The following VIT variants were observed in gnomAD, a reference collection of about 807,000 sequenced individuals.
The protein encoded by VIT is vitrin.
A neutral mutation model predicts 78.0 loss-of-function variants in VIT; 99 were observed. That is an observed-to-expected ratio of 1.27 (90% CI 1.08 to 1.50). The LOEUF (loss-of-function observed/expected upper bound fraction) is 1.50. VIT is among the 40% of genes most tolerant of loss of function. VIT has a pLI of 0.00. For synonymous variants in VIT, 374 were observed against 334.3 expected, an observed-to-expected ratio of 1.12 and a Z score of -1.29; for missense variants, 1,126 against 875.3, an observed-to-expected ratio of 1.29 and a Z score of -3.61.
In VIT at chr2:36,802,819, G is replaced by A. The variant is rs542440269; in HGVS notation, c.1162+1415G>A. On this transcript the variant is annotated intron_variant, in intron 13 of 15. Coordinates refer to ENST00000379242, the MANE Select transcript of VIT (RefSeq NM_053276.4). ...AGTTTGGGTTCTGAGGACAGAATCCGTTCAACTGATTCCAACAGAAAGGGT... is the reference window on the plus strand; with the variant it reads ...AGTTTGGGTTCTGAGGACAGAATCCATTCAACTGATTCCAACAGAAAGGGT... 1.7e-3 allele frequency among the ~76,000 whole-genome samples: 257 copies of A among 152,276 alleles called. 2 individuals carry two copies. In the South Asian group the frequency reaches 0.018, roughly 11 times the overall value.
chr2:36,801,456 T>C, intron 13 of VIT, 52 bp downstream of exon 13: 1 of 1,436,298 alleles, frequency 7.0e-7, no homozygotes, highest in Non-Finnish European at 9.8e-7. Context: ...GTTCTCTTTC[T>C]ACGTGATTGT....
chr2:36,803,129 A>G (rs977788272), intron 13 of VIT, among the ~76,000 whole-genome samples: 2 of 152,192 alleles, frequency 1.3e-5, no homozygotes, highest in Non-Finnish European at 2.9e-5. Context: ...ATTCACACCC[A>G]CAACATGGAT....
At chr2:36,779,414 A>AT (rs1209482506) in intron 9 of VIT, among the ~76,000 whole-genome samples, 1 of 152,196 alleles carries the variant, frequency 6.6e-6, no homozygotes, top group Non-Finnish European at 1.5e-5. Flanking sequence ...TGGCTTCTAC[A>AT]TTTTTACCCC....
Position 36,781,828 on chromosome 2 carries a change from G to C in VIT, c.847+57G>C. ...GTGGATCAAGATGCGCAGGATAGCA[G>C]AACTAAGAGTCTAATAATCCAGCTG... On this transcript the variant is annotated intron_variant, in intron 10 of 15. Transcript: ENST00000379242. 4 of 1,595,804 alleles carry C rather than the reference G, an allele frequency of 2.5e-6. No homozygotes were observed. The Admixed American group carries it at 6.7e-5, about 27-fold the overall frequency.
intron 3 of VIT, among the ~76,000 whole-genome samples, chr2:36,741,173 A>T (rs897777948): frequency 2.0e-5 from 3 of 152,214 alleles, no homozygotes; most frequent in Admixed American, 1.3e-4. Flanking sequence ...CAGGAATCAA[A>T]CAATTCACTA....
At chr2:36,764,090 T>C (rs1319709297) in intron 6 of VIT, among the ~76,000 whole-genome samples, 1 of 152,224 alleles carries the variant, frequency 6.6e-6, no homozygotes, top group East Asian at 1.9e-4. Flanking sequence ...TCAGCAGCCT[T>C]GGGATTAGCC....
chr2:36,780,476 G>A (rs527761315), intron 9 of VIT, among the ~76,000 whole-genome samples: 2 of 152,342 alleles, frequency 1.3e-5, no homozygotes, highest in South Asian at 2.1e-4. Context: ...GAATGTTTAA[G>A]CAAGTCATAA....
chr2:36,706,082 G>A (rs1156887142), intron 1 of VIT, among the ~76,000 whole-genome samples: 3 of 152,146 alleles, frequency 2.0e-5, no homozygotes, highest in Non-Finnish European at 4.4e-5. Context: ...CTGACAGCAT[G>A]GTTTCAAGGT....
rs111981326 is a variant in VIT at position 36,759,366 on chromosome 2, G to A, written c.487+320G>A. The A allele has an allele frequency of 8.2e-4, 1,144 of 1,400,438 alleles. 11 individuals are homozygous for A. The African/African-American group carries it at 0.015, about 18-fold the overall frequency. The allele number at this position is 1,400,438 out of a possible 1,614,324, so 86.8% of individuals were successfully genotyped here. A position where few individuals can be genotyped will look rare whatever the true frequency, so the allele number is the denominator to read the frequency against. On this transcript the variant is annotated intron_variant, in intron 6 of 15. Transcript: ENST00000379242. ...ATGACATGACATTCTGTCCGGAAAT[G>A]TTTCCTGGCAGCTAAAAGGAAAAAG... is the stretch of plus-strand genomic sequence containing the variant.
In VIT at chr2:36,755,926, T is replaced by C. The variant is rs189765438; in HGVS notation, c.409+872T>C. Among the ~76,000 whole-genome samples, 12 of 151,856 alleles carry C rather than the reference T, an allele frequency of 7.9e-5. No homozygotes were observed. In the East Asian group the frequency reaches 2.3e-3, roughly 29 times the overall value. On this transcript the variant is annotated intron_variant, in intron 5 of 15. Coordinates refer to ENST00000379242, the MANE Select transcript of VIT (RefSeq NM_053276.4). Reference sequence around the variant, plus strand: ...GGGAGCCCTTCAAGCTTTTGACATGTTCACGGTAGTGCTTGAGGACAACAC... The same window carrying C: ...GGGAGCCCTTCAAGCTTTTGACATGCTCACGGTAGTGCTTGAGGACAACAC...
intron 2 of VIT, among the ~76,000 whole-genome samples, chr2:36,720,073 C>T (rs1412336708): frequency 6.6e-6 from 1 of 152,168 alleles, no homozygotes; most frequent in Non-Finnish European, 1.5e-5. Context: ...ACAGATTCTT[C>T]AGTGCAATCC....
chr2:36,724,649 G>A (rs1666725673), intron 2 of VIT, among the ~76,000 whole-genome samples: 1 of 152,118 alleles, frequency 6.6e-6, no homozygotes, highest in Admixed American at 6.5e-5. Context: ...CTGAGGGGAG[G>A]GCCTATTTGT....
At chr2:36,796,000 G>A (rs1322860785) in intron 12 of VIT, among the ~76,000 whole-genome samples, 3 of 151,820 alleles carry the variant, frequency 2.0e-5, no homozygotes, top group Non-Finnish European at 4.4e-5. Context: ...GAGGAAATTT[G>A]CTAGTCTGTA....
chr2:36,755,205 A>T, intron 5 of VIT, 151 bp downstream of exon 5: 1 of 923,652 alleles, frequency 1.1e-6, no homozygotes, highest in Non-Finnish European at 1.5e-6. Context: ...ACGACACAAT[A>T]AATTAGAATT....
At chr2:36,753,979 T>G (rs147144932) in intron 4 of VIT, among the ~76,000 whole-genome samples, 178 of 152,316 alleles carry the variant, frequency 1.2e-3, no homozygotes, top group African/African-American at 4.2e-3. Context: ...TTCTATGGAA[T>G]GAATGGCAAT....
In VIT at chr2:36,700,195, A is replaced by G. The variant is rs192002009; in HGVS notation, c.-19+3222A>G. 7.8e-4 allele frequency among the ~76,000 whole-genome samples: 119 copies of G among 152,328 alleles called. 1 individual carries two copies. The highest frequency in any genetic ancestry group is 3.7e-3 in the Admixed American group (56 of 15,294). On this transcript the variant is annotated intron_variant, in intron 1 of 15. Transcript: ENST00000379242. ...GAAACTAGTTGCCATCTCTTTATCC[A>G]GGGAATCTGAGCTAGTCAATCAACA...
intron 11 of VIT, among the ~76,000 whole-genome samples, chr2:36,785,002 A>G (rs912538694): frequency 1.2e-4 from 18 of 152,258 alleles, no homozygotes; most frequent in Non-Finnish European, 8.8e-5. Context: ...TATAAGATGA[A>G]TACGTTAATC....
At chr2:36,811,207 G>A (rs995190751) in intron 15 of VIT, among the ~76,000 whole-genome samples, 1 of 152,166 alleles carries the variant, frequency 6.6e-6, no homozygotes. Context: ...GACGGATTAA[G>A]GCTCAGAAGC....
At chr2:36,741,408 C>T (rs993843126) in intron 3 of VIT, among the ~76,000 whole-genome samples, 1 of 152,138 alleles carries the variant, frequency 6.6e-6, no homozygotes. Context: ...ATTGCTTAAG[C>T]CTGTGATCAA....
Sources: allele counts gnomAD v4.1 joint callset (sites outside exome capture counted in the v4.1 genomes callset), GRCh38; gene constraint gnomAD v4.1.1; transcripts MANE v1.5; gene names NCBI Gene and HGNC (gene_info 2026-07-23, HGNC 2026-07-21).